FOXJ3: variants seen among roughly 807,000 people sequenced by gnomAD.
FOXJ3 encodes forkhead box protein J3.
FOXJ3 carries 22 observed loss-of-function variants against 76.1 expected under a neutral mutation model. The ratio of observed to expected loss-of-function variants is 0.29; its 90% confidence interval spans 0.21 to 0.41. The LOEUF (loss-of-function observed/expected upper bound fraction) is 0.41. FOXJ3 is among the 10% of genes least tolerant of loss of function. The pLI, the probability that FOXJ3 is intolerant of heterozygous loss-of-function variation, is 1.00. For synonymous variants in FOXJ3, 269 were observed against 261.2 expected (o/e 1.03, Z -0.29); for missense variants, 613 against 762.1 (o/e 0.80, Z 2.30).
intron 4 of FOXJ3, among the ~76,000 whole-genome samples, chr1:42,252,012 C>T (rs1190655998): frequency 1.2e-4 from 19 of 152,036 alleles, no homozygotes; most frequent in East Asian, 3.9e-4. Context: ...CCACCGCGCC[C>T]GGCCGGTTTG....
At chr1:42,308,847 C>T (rs1654624990) in intron 2 of FOXJ3, among the ~76,000 whole-genome samples, 1 of 151,904 alleles carries the variant, frequency 6.6e-6, no homozygotes, top group Admixed American at 6.6e-5. Flanking sequence ...AAAGGCTTAA[C>T]CCAAAGATAA....
chr1:42,252,220 C>G (rs565839536), intron 4 of FOXJ3, among the ~76,000 whole-genome samples: 4 of 152,282 alleles, frequency 2.6e-5, no homozygotes, highest in Non-Finnish European at 5.9e-5. Flanking sequence ...CCTTGTATCT[C>G]TGGTAGAATT....
Position 42,182,888 on chromosome 1 carries a change from TGC to T in FOXJ3, c.1646-866_1646-865del, listed in dbSNP as rs1397491256. 5.3e-5 allele frequency among the ~76,000 whole-genome samples: 8 copies of T among 152,164 alleles called. 1 individual carries two copies. In the South Asian group the frequency reaches 8.3e-4, roughly 16 times the overall value. Reference sequence around the variant, plus strand: ...AGGCCTAACTATGTGTAACCATGTGTGCCCCTGTTAATTAACAAGTACCTGGG... The same window carrying T: ...AGGCCTAACTATGTGTAACCATGTGTCCCTGTTAATTAACAAGTACCTGGG... On this transcript the variant is annotated intron_variant, in intron 11 of 12. Transcript: ENST00000361346.
At chr1:42,230,990 A>G (rs1014336834) in intron 4 of FOXJ3, among the ~76,000 whole-genome samples, 1 of 152,160 alleles carries the variant, frequency 6.6e-6, no homozygotes, top group East Asian at 1.9e-4. Flanking sequence ...TGCCACATAC[A>G]TACAATGGAG....
intron 4 of FOXJ3, among the ~76,000 whole-genome samples, chr1:42,229,896 C>T (rs1008563272): frequency 5.3e-5 from 8 of 152,136 alleles, no homozygotes; most frequent in African/African-American, 1.9e-4. Context: ...ATGACAAATT[C>T]CAGCATTTAG....
chr1:42,300,112 A>G (rs1654041476), intron 2 of FOXJ3, among the ~76,000 whole-genome samples: 1 of 152,048 alleles, frequency 6.6e-6, no homozygotes, highest in Admixed American at 6.5e-5. Flanking sequence ...AGGCAGGAGC[A>G]TCACTTGTAC....
Position 42,195,004 on chromosome 1 carries a change from T to C in FOXJ3, c.820A>G (p.Asn274Asp). The change falls in exon 8 of 13, where the codon AAC (asparagine) becomes GAC (aspartate). Residue 274 changes from asparagine (N) to aspartate (D), a missense_variant. Transcript: ENST00000361346. ...AGTTGCTTGTCTCTTTCTGGAAGGT[T>C]GTACTGTGGTTGCTGCTGAGGAGTT... ...SLTPQQQPQY[N>D]LPERDKQLLF... 6.2e-7 allele frequency: 1 copy of C among 1,613,552 alleles called. No homozygotes were observed. Among genetic ancestry groups the C allele is most frequent in the Non-Finnish European group, 8.5e-7 (1 of 1,179,704 alleles).
At chr1:42,282,539 A>C (rs868650502) in intron 2 of FOXJ3, among the ~76,000 whole-genome samples, 4 of 152,166 alleles carry the variant, frequency 2.6e-5, no homozygotes, top group Admixed American at 1.3e-4. Flanking sequence ...CATATGCTTA[A>C]GCTTTCTACC....
At chr1:42,298,134 T>G (rs1011585919) in intron 2 of FOXJ3, among the ~76,000 whole-genome samples, 7 of 152,168 alleles carry the variant, frequency 4.6e-5, no homozygotes, top group African/African-American at 1.7e-4. Context: ...TCCACTTTGC[T>G]CAGCACTTCT....
chr1:42,322,556 C>CTT (rs1376366029), intron 1 of FOXJ3, among the ~76,000 whole-genome samples: 1 of 151,876 alleles, frequency 6.6e-6, no homozygotes, highest in Non-Finnish European at 1.5e-5. Context: ...TAAGTATACT[C>CTT]AAAAGGGCAG....
intron 3 of FOXJ3, among the ~76,000 whole-genome samples, chr1:42,275,246 G>A (rs545312954): frequency 1.3e-5 from 2 of 152,218 alleles, no homozygotes; most frequent in South Asian, 2.1e-4. Flanking sequence ...AATGAAAAAG[G>A]CAAAAGTGTT....
At chr1:42,300,739 T>C (rs1195501928) in intron 2 of FOXJ3, among the ~76,000 whole-genome samples, 1 of 152,162 alleles carries the variant, frequency 6.6e-6, no homozygotes, top group African/African-American at 2.4e-5. Context: ...ATCACGCCAC[T>C]GTACTCCAGG....
At chr1:42,285,255 A>C (rs1159778950) in intron 2 of FOXJ3, among the ~76,000 whole-genome samples, 1 of 152,056 alleles carries the variant, frequency 6.6e-6, no homozygotes, top group Admixed American at 6.6e-5. Flanking sequence ...ATTCTTCCTG[A>C]TGCCCTCCCT....
intron 4 of FOXJ3, among the ~76,000 whole-genome samples, chr1:42,261,962 G>C (rs372305188): frequency 1.0e-3 from 157 of 152,250 alleles, no homozygotes; most frequent in African/African-American, 3.6e-3. Flanking sequence ...ACTAATCTAA[G>C]AACTAAGAAA....
intron 4 of FOXJ3, among the ~76,000 whole-genome samples, chr1:42,234,138 T>G (rs946666338): frequency 1.3e-5 from 2 of 152,166 alleles, no homozygotes; most frequent in African/African-American, 4.8e-5. Context: ...TCTCACTTCA[T>G]TTCATTCATT....
intron 6 of FOXJ3, among the ~76,000 whole-genome samples, chr1:42,204,890 TA>T (rs1368912106): frequency 6.6e-6 from 1 of 152,104 alleles, no homozygotes; most frequent in Non-Finnish European, 1.5e-5. Context: ...TTTCTACAAG[TA>T]AAAGGATCCT....
At chr1:42,243,257 T>C (rs1649292016) in intron 4 of FOXJ3, among the ~76,000 whole-genome samples, 3 of 152,120 alleles carry the variant, frequency 2.0e-5, no homozygotes, top group Non-Finnish European at 2.9e-5. Flanking sequence ...AACTCACTGG[T>C]AGAACGAACA....
intron 4 of FOXJ3, among the ~76,000 whole-genome samples, chr1:42,248,407 A>G (rs966061106): frequency 6.6e-6 from 1 of 151,766 alleles, no homozygotes; most frequent in African/African-American, 2.4e-5. Flanking sequence ...GGTGGCGGGC[A>G]CCTGTAGTCC....
In FOXJ3 at chr1:42,277,707, G is replaced by C. The variant is rs1297925555; in HGVS notation, c.369+641C>G. 4.0e-5 allele frequency among the ~76,000 whole-genome samples: 2 copies of C among 49,402 alleles called. 1 individual carries two copies. Among genetic ancestry groups the C allele is most frequent in the African/African-American group, 1.2e-4 (2 of 16,270 alleles). 32.4% of individuals were successfully genotyped at this position (49,402 alleles called of 152,430 possible). On this transcript the variant is annotated intron_variant, in intron 3 of 12. Transcript: ENST00000361346. ...AGCTACTTGGGAGGCTGAGGCGGGA[G>C]AATGGCGTGAACCCGGGAGGCGGAG...
Sources: allele counts gnomAD v4.1 joint callset (sites outside exome capture counted in the v4.1 genomes callset), GRCh38; gene constraint gnomAD v4.1.1; transcripts MANE v1.5; gene names NCBI Gene and HGNC (gene_info 2026-07-23, HGNC 2026-07-21).